The following NTRK2 variants were observed in gnomAD, a reference collection of about 807,000 sequenced individuals.
NTRK2 encodes the protein neurotrophic receptor tyrosine kinase 2, also known as BDNF/NT-3 growth factors receptor.
NTRK2 carries 13 observed loss-of-function variants against 94.5 expected under a neutral mutation model. That is an observed-to-expected ratio of 0.14 (90% CI 0.09 to 0.22). The LOEUF is 0.22. Among genes scored for constraint, NTRK2 ranks in the 10% least tolerant of loss-of-function variants. NTRK2 has a pLI of 1.00. For missense variants in NTRK2, 639 were observed against 1,071.2 expected (o/e 0.60, Z 5.63); for synonymous variants, 372 against 407.4 (o/e 0.91, Z 1.05).
intron 14 of NTRK2, among the ~76,000 whole-genome samples, chr9:84,922,648 C>T (rs757250721): frequency 5.9e-5 from 9 of 152,164 alleles, no homozygotes; most frequent in Non-Finnish European, 1.0e-4. Context: ...ACAGTGATGT[C>T]TCTCCCGAGG....
At chr9:84,969,007 C>T (rs1429107084) in intron 17 of NTRK2, among the ~76,000 whole-genome samples, 2 of 152,156 alleles carry the variant, frequency 1.3e-5, no homozygotes, top group Non-Finnish European at 2.9e-5. Flanking sequence ...GTCACATTTT[C>T]GTTTTCTTCA....
At position 85,023,247 on chromosome 9, in the gene NTRK2, G is replaced by A. The variant is rs1832871450; in HGVS notation, c.*1810G>A. 4.3e-6 allele frequency: 1 copy of A among 232,882 alleles called. No individual in the cohort carries two copies. Among genetic ancestry groups the A allele is most frequent in the Non-Finnish European group, 8.5e-6 (1 of 117,892 alleles). The allele number at this position is 232,882 out of a possible 1,614,324, so 14.4% of individuals were successfully genotyped here. A position where few individuals can be genotyped will look rare whatever the true frequency, so the allele number is the denominator to read the frequency against. ...GAAAACTTGCTACCCTCTGTGAGGGGAATTTTGCTAAACTTGACATCTTTA... is the reference window on the plus strand; with the variant it reads ...GAAAACTTGCTACCCTCTGTGAGGGAAATTTTGCTAAACTTGACATCTTTA... On this transcript the variant is annotated 3_prime_UTR_variant, in exon 19 of 19. Coordinates refer to ENST00000277120, the MANE Select transcript of NTRK2 (RefSeq NM_006180.6).
chr9:84,924,514 C>T (rs945447763), intron 14 of NTRK2, among the ~76,000 whole-genome samples: 7 of 152,106 alleles, frequency 4.6e-5, no homozygotes, highest in African/African-American at 1.4e-4. Context: ...ATTGTTCCAG[C>T]GGGGAGAGCT....
chr9:84,871,679 G>A (rs976741941), intron 14 of NTRK2: 13 of 875,464 alleles, frequency 1.5e-5, no homozygotes, highest in Non-Finnish European at 2.6e-5. Flanking sequence ...GTGATATGAG[G>A]GTTTCATTTA....
chr9:84,863,127 A>G (rs1029677999), intron 13 of NTRK2, among the ~76,000 whole-genome samples: 1 of 152,230 alleles, frequency 6.6e-6, no homozygotes, highest in East Asian at 1.9e-4. Context: ...GAATATAAAA[A>G]GGCTTGCTTA....
At chr9:84,702,105 G>T in intron 2 of NTRK2, 54 bp from the exon 3 acceptor site, 1 of 1,524,750 alleles carries the variant, frequency 6.6e-7, no homozygotes, top group South Asian at 1.1e-5. Context: ...AGTTCTTCAT[G>T]GTGCTGCTGC....
chr9:85,007,962 T>G (rs1831148262), intron 17 of NTRK2, among the ~76,000 whole-genome samples: 1 of 152,180 alleles, frequency 6.6e-6, no homozygotes, highest in Admixed American at 6.5e-5. Flanking sequence ...GCATTGTGGC[T>G]AACACCTTCT....
intron 2 of NTRK2, among the ~76,000 whole-genome samples, chr9:84,688,400 G>T (rs1047962303): frequency 6.6e-6 from 1 of 152,158 alleles, no homozygotes. Context: ...GAGTGTGTAG[G>T]GGGGTGGCCA....
At chr9:84,842,394 T>C (rs886090742) in intron 12 of NTRK2, among the ~76,000 whole-genome samples, 1 of 152,170 alleles carries the variant, frequency 6.6e-6, no homozygotes, top group Non-Finnish European at 1.5e-5. Context: ...TGTGAGAATC[T>C]CATTCTGGTT....
intron 12 of NTRK2, chr9:84,812,091 C>A (rs1367984132): frequency 3.8e-6 from 4 of 1,059,704 alleles, no homozygotes; most frequent in South Asian, 4.6e-5. Flanking sequence ...ACAAATGCTG[C>A]AATTTAGCTT....
chr9:84,883,556 G>T (rs2076328183), intron 14 of NTRK2, among the ~76,000 whole-genome samples: 1 of 152,136 alleles, frequency 6.6e-6, no homozygotes, highest in African/African-American at 2.4e-5. Context: ...TCTTGTTTTT[G>T]CATAATCAAC....
intron 12 of NTRK2, among the ~76,000 whole-genome samples, chr9:84,854,946 C>CAAAAAA (rs149925184): frequency 3.2e-5 from 2 of 63,364 alleles, no homozygotes; most frequent in African/African-American, 6.4e-5. Context: ...GACTCCGTCT[C>CAAAAAA]AAAAAAAAAA....
intron 2 of NTRK2, among the ~76,000 whole-genome samples, chr9:84,697,894 A>G (rs2060484277): frequency 6.6e-6 from 1 of 151,842 alleles, no homozygotes; most frequent in Admixed American, 6.6e-5. Context: ...TTTCCTTTGT[A>G]TGGTTGTTGC....
chr9:84,780,044 G>T (rs1012554559), intron 12 of NTRK2, among the ~76,000 whole-genome samples: 5 of 148,952 alleles, frequency 3.4e-5, no homozygotes, highest in South Asian at 4.3e-4. Flanking sequence ...GGACTCTGCG[G>T]TTTTTTTTTT....
intron 12 of NTRK2, among the ~76,000 whole-genome samples, chr9:84,855,444 G>C (rs527878501): frequency 2.0e-5 from 3 of 152,066 alleles, no homozygotes; most frequent in Non-Finnish European, 4.4e-5. Context: ...AGCATTTGGG[G>C]GTGAGAACTC....
chr9:84,872,395 C>T (rs201321049), intron 14 of NTRK2: 168 of 1,088,770 alleles, frequency 1.5e-4, no homozygotes, highest in Non-Finnish European at 1.8e-4. Flanking sequence ...CTTCTCCCGT[C>T]GGAGCAAACA....
intron 12 of NTRK2, among the ~76,000 whole-genome samples, chr9:84,845,845 C>A (rs1241698676): frequency 6.6e-6 from 1 of 150,766 alleles, no homozygotes; most frequent in African/African-American, 2.4e-5. Flanking sequence ...GTGATGGGTG[C>A]ACTAAAATCT....
chr9:84,697,127 G>T (rs755161853), intron 2 of NTRK2, among the ~76,000 whole-genome samples: 2 of 152,150 alleles, frequency 1.3e-5, no homozygotes, highest in Non-Finnish European at 2.9e-5. Flanking sequence ...CAAAAAATCC[G>T]AATTCACCAT....
At position 84,784,387 on chromosome 9, in the gene NTRK2, C is replaced by G. The variant is rs550733866; in HGVS notation, c.1396+32302C>G. ...ATTTGAAACTGTATGTTATTGTTAA[C>G]TCTAGTTCCAGTCCTCACCTTTCTT... On this transcript the variant is annotated intron_variant, in intron 12 of 18. Transcript: ENST00000277120. 5.9e-5 allele frequency among the ~76,000 whole-genome samples: 9 copies of G among 152,280 alleles called. No homozygotes were observed. In the East Asian group the frequency reaches 1.7e-3, roughly 29 times the overall value.
Sources: allele counts gnomAD v4.1 joint callset (sites outside exome capture counted in the v4.1 genomes callset), GRCh38; gene constraint gnomAD v4.1.1; transcripts MANE v1.5; gene names NCBI Gene and HGNC (gene_info 2026-07-23, HGNC 2026-07-21).